The following PSMD1 variants were observed in gnomAD, a reference collection of about 807,000 sequenced individuals.
PSMD1 encodes 26S proteasome non-ATPase regulatory subunit 1.
PSMD1 carries 18 observed loss-of-function variants against 119.0 expected under a neutral mutation model. That is an observed-to-expected ratio of 0.15 (90% confidence interval 0.10 to 0.22). PSMD1 has a LOEUF of 0.22. Ranked by LOEUF, PSMD1 falls within the 10% of genes least tolerant of loss-of-function variation. The pLI is 1.00. For missense variants in PSMD1, 702 were observed against 1,158.5 expected (o/e 0.61, Z 5.72); for synonymous variants, 374 against 396.6 (o/e 0.94, Z 0.68).
chr2:231,166,157 G>A (rs1052322802), intron 23 of PSMD1, 140 bp downstream of exon 23: 1 of 952,056 alleles, frequency 1.1e-6, no homozygotes, highest in Non-Finnish European at 1.5e-6. Context: ...ACAAAAGAGA[G>A]AATGTTCTTT....
At chr2:231,081,961 C>T (rs1694319132) in intron 12 of PSMD1, among the ~76,000 whole-genome samples, 1 of 152,174 alleles carries the variant, frequency 6.6e-6, no homozygotes, top group African/African-American at 2.4e-5. Flanking sequence ...CTTAGTTGTT[C>T]AGTCTTTTTC....
chr2:231,137,199 C>A (rs1274340647), intron 16 of PSMD1, among the ~76,000 whole-genome samples: 1 of 151,284 alleles, frequency 6.6e-6, no homozygotes, highest in Non-Finnish European at 1.5e-5. Context: ...CTCACTGCAA[C>A]CTCTGCCTCC....
chr2:231,101,449 A>G (rs1305015560), intron 16 of PSMD1, among the ~76,000 whole-genome samples: 2 of 152,216 alleles, frequency 1.3e-5, no homozygotes, highest in South Asian at 2.1e-4. Context: ...GGCTGTAGAA[A>G]AAAATTAATG....
intron 16 of PSMD1, among the ~76,000 whole-genome samples, chr2:231,111,889 C>T (rs749357816): frequency 4.6e-5 from 7 of 152,016 alleles, no homozygotes; most frequent in South Asian, 4.1e-4. Context: ...TTTATATGTC[C>T]GCCTTTCTTG....
chr2:231,139,188 G>A, intron 17 of PSMD1: 2 of 364,090 alleles, frequency 5.5e-6, no homozygotes, highest in Non-Finnish European at 1.1e-5. Flanking sequence ...CTGGAGTGCA[G>A]TGGCGCAGTC....
chr2:231,112,366 A>G, intron 16 of PSMD1, among the ~76,000 whole-genome samples: 1 of 151,918 alleles, frequency 6.6e-6, no homozygotes. Flanking sequence ...GCCTTTTCTC[A>G]CTGTTTTTAA....
chr2:231,161,738 AAG>A (rs2125267251), intron 20 of PSMD1, among the ~76,000 whole-genome samples: 1 of 152,346 alleles, frequency 6.6e-6, no homozygotes, highest in South Asian at 2.1e-4. Flanking sequence ...TTAGTTGAGA[AAG>A]AATGGTGAGA....
At chr2:231,145,733 A>G (rs1185598647) in intron 17 of PSMD1, among the ~76,000 whole-genome samples, 1 of 151,844 alleles carries the variant, frequency 6.6e-6, no homozygotes, top group African/African-American at 2.4e-5. Flanking sequence ...TCTCTACTAA[A>G]AATACAAAAA....
At chr2:231,147,710 C>T (rs1019924720) in intron 18 of PSMD1, among the ~76,000 whole-genome samples, 3 of 152,166 alleles carry the variant, frequency 2.0e-5, no homozygotes, top group Non-Finnish European at 4.4e-5. Context: ...TCTTCTAATT[C>T]TTAAAGCTAG....
intron 16 of PSMD1, among the ~76,000 whole-genome samples, chr2:231,119,999 C>A (rs1283352172): frequency 6.8e-6 from 1 of 147,650 alleles, no homozygotes; most frequent in Admixed American, 6.8e-5. Flanking sequence ...GTCACCCAGG[C>A]TGGAGTGCAG....
intron 16 of PSMD1, among the ~76,000 whole-genome samples, chr2:231,117,429 G>A (rs1286613713): frequency 1.3e-5 from 2 of 151,958 alleles, no homozygotes; most frequent in African/African-American, 4.8e-5. Flanking sequence ...TTATTCTGGG[G>A]CTCTAAATTA....
At chr2:231,120,990 AT>A (rs1264560263) in intron 16 of PSMD1, among the ~76,000 whole-genome samples, 10 of 152,246 alleles carry the variant, frequency 6.6e-5, no homozygotes, top group Admixed American at 6.5e-4. Flanking sequence ...TCAGGTTTCC[AT>A]TTGTAATACA....
At chr2:231,169,129 G>C (rs1345911621) in intron 23 of PSMD1, among the ~76,000 whole-genome samples, 1 of 152,134 alleles carries the variant, frequency 6.6e-6, no homozygotes, top group Non-Finnish European at 1.5e-5. Context: ...TCCATGTGTT[G>C]ATTTGGATTA....
chr2:231,146,527 T>C (rs1696257555), intron 18 of PSMD1, among the ~76,000 whole-genome samples, 171 bp downstream of exon 18: 1 of 123,420 alleles, frequency 8.1e-6, no homozygotes, highest in Admixed American at 7.3e-5. Context: ...AAATATGTAA[T>C]GCTCTTTAAA....
At chr2:231,124,122 G>A in intron 16 of PSMD1, 1 of 256,588 alleles carries the variant, frequency 3.9e-6, no homozygotes, top group South Asian at 4.9e-5. Flanking sequence ...GCATGCCAGA[G>A]AGTTCCCCCT....
chr2:231,064,268 A>G (rs1343341462), intron 4 of PSMD1, among the ~76,000 whole-genome samples: 1 of 152,222 alleles, frequency 6.6e-6, no homozygotes, highest in Non-Finnish European at 1.5e-5. Context: ...GAATTTGGGT[A>G]AGGCTTCCTA....
At chr2:231,082,280 G>A (rs530645244) in intron 12 of PSMD1, among the ~76,000 whole-genome samples, 2 of 152,120 alleles carry the variant, frequency 1.3e-5, no homozygotes, top group South Asian at 4.2e-4. Context: ...TGCCCAGGCT[G>A]GTCTCAAACT....
rs202213221 is a variant in PSMD1 at position 231,153,692 on chromosome 2, T to G, written c.2218+26T>G. On this transcript the variant is annotated intron_variant, in intron 19 of 24. Coordinates refer to ENST00000308696, the MANE Select transcript of PSMD1 (RefSeq NM_002807.4). ...GTAAATGTTTTTAAGTCTTCAAGATTTATTTATTTAAACTAAATCTAATAA... is the reference window on the plus strand; with the variant it reads ...GTAAATGTTTTTAAGTCTTCAAGATGTATTTATTTAAACTAAATCTAATAA... The G allele has an allele frequency of 3.6e-5, 51 of 1,426,194 alleles. 1 individual carries two copies. In the African/African-American group the frequency reaches 5.6e-4, roughly 16 times the overall value. 88.3% of individuals were successfully genotyped at this position (1,426,194 alleles called of 1,614,324 possible).
At chr2:231,072,598 G>A (rs553693254) in intron 7 of PSMD1, among the ~76,000 whole-genome samples, 183 bp downstream of exon 7, 26 of 152,040 alleles carry the variant, frequency 1.7e-4, no homozygotes, top group African/African-American at 6.0e-4. Flanking sequence ...AAGGAAAACC[G>A]AAGAAATTGA....
Sources: allele counts gnomAD v4.1 joint callset (sites outside exome capture counted in the v4.1 genomes callset), GRCh38; gene constraint gnomAD v4.1.1; transcripts MANE v1.5; gene names NCBI Gene and HGNC (gene_info 2026-07-23, HGNC 2026-07-21).